PRKD3: variants seen among roughly 807,000 people sequenced by gnomAD.
The protein encoded by PRKD3 is serine/threonine-protein kinase D3.
PRKD3 carries 47 observed loss-of-function variants against 99.2 expected under a neutral mutation model. That is an observed-to-expected ratio of 0.47 (90% CI 0.38 to 0.60). The LOEUF (loss-of-function observed/expected upper bound fraction) is 0.60. PRKD3 is among the 20% of genes least tolerant of loss of function. The pLI, the probability that PRKD3 is intolerant of heterozygous loss-of-function variation, is 0.00. For missense variants in PRKD3, 1,019 were observed against 1,088.4 expected, an observed-to-expected ratio of 0.94 and a Z score of 0.90; for synonymous variants, 392 against 355.4, an observed-to-expected ratio of 1.10 and a Z score of -1.16.
At position 37,277,897 on chromosome 2, in the gene PRKD3, C is replaced by T; in HGVS notation, c.1265G>A (p.Trp422Ter). Reference protein sequence around the residue: ...RKSSTMVKEGWMVHYTSRDNL... With the variant: ...RKSSTMVKEG ...ATCCCTGCTGGTGTAATGGACCATC[C>T]ACCCTTCCTTCACCATTGTGCTGCT... The change falls in exon 9 of 19, where the codon TGG becomes TAG. Residue 422 changes from tryptophan to a stop codon, truncating the protein, a stop_gained. Coordinates refer to ENST00000234179, the MANE Select transcript of PRKD3 (RefSeq NM_005813.6). LOFTEE classifies it high-confidence loss of function. The T allele has an allele frequency of 6.2e-7, 1 of 1,613,636 alleles. No homozygotes were observed. Among genetic ancestry groups the T allele is most frequent in the Non-Finnish European group, 8.5e-7 (1 of 1,179,702 alleles).
chr2:37,276,793 TAC>T (rs1297412607), intron 9 of PRKD3, among the ~76,000 whole-genome samples: 15 of 149,112 alleles, frequency 1.0e-4, no homozygotes, highest in African/African-American at 3.4e-4. Context: ...TATGTATATA[TAC>T]ACACACACAC....
intron 2 of PRKD3, among the ~76,000 whole-genome samples, chr2:37,301,762 A>T (rs1670941516): frequency 6.6e-6 from 1 of 152,226 alleles, no homozygotes; most frequent in African/African-American, 2.4e-5. Context: ...GAGAGGGAAG[A>T]AGTTCAGAAA....
chr2:37,298,495 G>GC (rs1558567399), intron 2 of PRKD3, among the ~76,000 whole-genome samples: 1 of 151,380 alleles, frequency 6.6e-6, no homozygotes, highest in Non-Finnish European at 1.5e-5. Flanking sequence ...CTTAACCTCA[G>GC]TTTTTCCATC....
chr2:37,255,033 G>T (rs12619325), intron 17 of PRKD3, among the ~76,000 whole-genome samples: 1 of 152,126 alleles, frequency 6.6e-6, no homozygotes, highest in South Asian at 2.1e-4. Context: ...ACCCAGACAC[G>T]AACCAAATGG....
intron 2 of PRKD3, among the ~76,000 whole-genome samples, chr2:37,300,423 T>C (rs1670871488): frequency 2.0e-5 from 3 of 152,180 alleles, no homozygotes; most frequent in Admixed American, 1.3e-4. Flanking sequence ...ATTACAAAAC[T>C]ACAGTTAGAT....
At chr2:37,272,161 G>C (rs1669308814) in intron 12 of PRKD3, among the ~76,000 whole-genome samples, 1 of 152,132 alleles carries the variant, frequency 6.6e-6, no homozygotes, top group Non-Finnish European at 1.5e-5. Flanking sequence ...TTGTAACACT[G>C]TAATGTAACT....
chr2:37,259,433 T>C (rs1572612333), intron 16 of PRKD3, 150 bp downstream of exon 16: 1 of 531,292 alleles, frequency 1.9e-6, no homozygotes, highest in East Asian at 3.0e-5. Flanking sequence ...CATTTAGTTA[T>C]TAATCCTCAC....
chr2:37,316,401 TAG>T lies in PRKD3; in HGVS notation c.122_123del (p.Ser41Ter). The T allele has an allele frequency of 1.9e-6, 3 of 1,614,150 alleles. No homozygotes were observed. The highest frequency in any genetic ancestry group is 2.2e-5 in the East Asian group (1 of 44,880). ...SPKTGLSARL[S>X]NGSFSAPSLT... ...AGTGATGGTGCACTGAAGCTTCCAT[TAG>T]AGAGTCGGGCAGAGAGTCCCGTCTT... is the stretch of plus-strand genomic sequence containing the variant. On this transcript the variant is annotated frameshift_variant, in exon 2 of 19. Transcript: ENST00000234179. LOFTEE classifies it high-confidence loss of function.
chr2:37,309,803 G>A (rs1163330625), intron 2 of PRKD3, among the ~76,000 whole-genome samples: 1 of 143,932 alleles, frequency 6.9e-6, no homozygotes, highest in African/African-American at 2.6e-5. Flanking sequence ...AGCCGAGATC[G>A]CGCCACTGCA....
Position 37,316,258 on chromosome 2 carries a change from C to T in PRKD3, c.267G>A (p.Val89=). ...GTACCTTTTGATAAACTATGGAGCACACAAGATCCTTGACAGCAGATAAAG... is the reference window on the plus strand; with the variant it reads ...GTACCTTTTGATAAACTATGGAGCATACAAGATCCTTGACAGCAGATAAAG... ...ELSLSAVKDL[V]CSIVYQKFPE... is the part of the protein sequence containing the mutation. The change falls in exon 2 of 19, where the codon GTG becomes GTA. Residue 89 remains valine, a synonymous_variant. Transcript: ENST00000234179. The T allele has an allele frequency of 6.2e-7, 1 of 1,613,776 alleles. No homozygotes were observed. Among genetic ancestry groups the T allele is most frequent in the South Asian group, 1.1e-5 (1 of 91,060 alleles).
At chr2:37,272,093 C>T (rs1275210714) in intron 12 of PRKD3, among the ~76,000 whole-genome samples, 1 of 152,176 alleles carries the variant, frequency 6.6e-6, no homozygotes, top group Non-Finnish European at 1.5e-5. Flanking sequence ...TAGGAAGCTT[C>T]CCCTGCTGAC....
chr2:37,294,276 G>A, intron 2 of PRKD3, among the ~76,000 whole-genome samples: 1 of 151,954 alleles, frequency 6.6e-6, no homozygotes, highest in South Asian at 2.1e-4. Context: ...TTTATGTTCT[G>A]TAGAGACAGG....
intron 9 of PRKD3, 79 bp downstream of exon 9, chr2:37,277,787 C>G: frequency 6.8e-7 from 1 of 1,460,702 alleles, no homozygotes; most frequent in Non-Finnish European, 9.3e-7. Context: ...ATCTCATCAT[C>G]ATTTTGATTT....
At chr2:37,268,014 TAAAA>T (rs553833869) in intron 13 of PRKD3, 1 of 190,426 alleles carries the variant, frequency 5.3e-6, no homozygotes, top group Non-Finnish European at 1.1e-5. Context: ...ATCTAGATAT[TAAAA>T]AAAGGTAGAA....
intron 11 of PRKD3, 23 bp from the exon 12 acceptor site, chr2:37,272,455 A>C (rs746118264): frequency 6.3e-7 from 1 of 1,590,378 alleles, no homozygotes; most frequent in African/African-American, 1.4e-5. Context: ...AAAAAGACAA[A>C]ATTTAGTATA....
chr2:37,316,451 G>A lies in PRKD3; in HGVS notation c.74C>T (p.Ala25Val). ...LPTAIPAVLP[A>V]ASPCSSPKTG... is the part of the protein sequence containing the mutation. ...CTTAGGACTTGAACACGGAGAAGCA[G>A]CTGGAAGCACAGCAGGAATAGCTGT... Residue 25 changes from alanine to valine, a missense_variant, in exon 2 of 19, where the codon GCT becomes GTT. This residue lies in a region of PRKD3 where 710 missense variants were observed against 692.7 expected (regional missense o/e 1.02). Transcript: ENST00000234179. 15 of 1,614,248 alleles carry A rather than the reference G, an allele frequency of 9.3e-6. No homozygotes were observed. Among genetic ancestry groups the A allele is most frequent in the Non-Finnish European group, 1.3e-5 (15 of 1,180,040 alleles).
At chr2:37,255,243 T>C (rs1439951340) in intron 17 of PRKD3, among the ~76,000 whole-genome samples, 2 of 152,240 alleles carry the variant, frequency 1.3e-5, no homozygotes, top group Non-Finnish European at 2.9e-5. Context: ...CTTCACATGT[T>C]GTTCTTAAAC....
intron 5 of PRKD3, 93 bp from the exon 6 acceptor site, chr2:37,286,462 A>G (rs1014420946): frequency 1.9e-6 from 2 of 1,077,820 alleles, no homozygotes; most frequent in Non-Finnish European, 2.6e-6. Context: ...TATTTCAAAC[A>G]CTAAAGCCAA....
At chr2:37,319,313 T>C (rs1171259952) in intron 1 of PRKD3, among the ~76,000 whole-genome samples, 5 of 152,210 alleles carry the variant, frequency 3.3e-5, no homozygotes, top group East Asian at 1.9e-4. Context: ...TGCTGCTCTG[T>C]GTCACCTTAG....
Sources: gnomAD v4.1 joint callset for allele counts (sites outside exome capture counted in the v4.1 genomes callset) on GRCh38, gnomAD v4.1.1 for gene constraint, gnomAD v4.1.1 regional missense constraint, MANE v1.5 for transcripts, NCBI Gene and HGNC (gene_info 2026-07-23, HGNC 2026-07-21) for gene names.